Variants in GOLM1 observed in about 807,000 individuals in gnomAD.
The protein encoded by GOLM1 is epididymis luminal protein 46.
GOLM1 carries 31 observed loss-of-function variants against 50.5 expected under a neutral mutation model. The ratio of observed to expected loss-of-function variants is 0.61; its 90% CI spans 0.46 to 0.83. The LOEUF (loss-of-function observed/expected upper bound fraction) is 0.83. Among genes scored for constraint, GOLM1 ranks in the 40% least tolerant of loss-of-function variants. GOLM1 has a pLI of 0.00. For synonymous variants in GOLM1, 178 were observed against 192.8 expected (o/e 0.92, Z 0.64); for missense variants, 491 against 501.3 (o/e 0.98, Z 0.20).
At chr9:86,032,147 T>C (rs1833006698) in intron 9 of GOLM1, among the ~76,000 whole-genome samples, 1 of 152,078 alleles carries the variant, frequency 6.6e-6, no homozygotes, top group Non-Finnish European at 1.5e-5. Flanking sequence ...TGTGGGAAAC[T>C]ACAGTCACAT....
chr9:86,069,135 CTA>C (rs983355505), intron 3 of GOLM1, among the ~76,000 whole-genome samples: 6 of 129,460 alleles, frequency 4.6e-5, no homozygotes, highest in African/African-American at 2.3e-4. Context: ...CATGTAATCT[CTA>C]TTTTTTTTTT....
intron 3 of GOLM1, among the ~76,000 whole-genome samples, chr9:86,055,791 G>C (rs923220732): frequency 1.3e-5 from 2 of 152,220 alleles, no homozygotes; most frequent in African/African-American, 2.4e-5. Context: ...GATAGGAGAG[G>C]GGGGAGGGAA....
chr9:86,090,431 G>A (rs941446527), intron 1 of GOLM1, among the ~76,000 whole-genome samples: 8 of 152,156 alleles, frequency 5.3e-5, no homozygotes, highest in Admixed American at 2.0e-4. Context: ...TTTCAGAGAT[G>A]CCCTGCTCAG....
intron 8 of GOLM1, among the ~76,000 whole-genome samples, chr9:86,033,828 A>C (rs1002582118): frequency 1.1e-4 from 17 of 152,312 alleles, no homozygotes; most frequent in African/African-American, 3.8e-4. Flanking sequence ...TACTTAGAGC[A>C]TGAGAGCACC....
At chr9:86,039,412 A>G (rs1453573316) in intron 6 of GOLM1, among the ~76,000 whole-genome samples, 1 of 152,232 alleles carries the variant, frequency 6.6e-6, no homozygotes, top group Non-Finnish European at 1.5e-5. Flanking sequence ...TAGGTTAAAT[A>G]TAGATTACCA....
At chr9:86,074,767 G>A (rs1834562396) in intron 3 of GOLM1, among the ~76,000 whole-genome samples, 1 of 152,174 alleles carries the variant, frequency 6.6e-6, no homozygotes, top group Non-Finnish European at 1.5e-5. Context: ...CTCAGGAAAC[G>A]TTCACTCCTG....
chr9:86,027,832 C>T lies in GOLM1; in HGVS notation c.1191G>A (p.Arg397=), dbSNP rs558691927. 7 of 1,613,140 alleles carry T rather than the reference C, an allele frequency of 4.3e-6. No individual in the cohort carries two copies. The highest frequency in any genetic ancestry group is 4.0e-5 in the African/African-American group (3 of 74,978). ...CCAGTTCAATTCAGAGTGTATGATT[C>T]CGCTTTTCACGCTGATCAAGTAAAT... ...TINLLDQREK[R]NHTL The change falls in exon 10 of 10, where the codon CGG becomes CGA. Residue 397 remains arginine, a synonymous_variant. Coordinates refer to ENST00000388712, the MANE Select transcript of GOLM1 (RefSeq NM_016548.4).
At chr9:86,095,537 C>T (rs1197197652) in intron 1 of GOLM1, among the ~76,000 whole-genome samples, 5 of 151,998 alleles carry the variant, frequency 3.3e-5, no homozygotes, top group East Asian at 1.9e-4. Flanking sequence ...CATGAGCCAA[C>T]GTGCCTGGCC....
chr9:86,088,579 T>G (rs996117976), intron 1 of GOLM1, among the ~76,000 whole-genome samples: 12 of 148,098 alleles, frequency 8.1e-5, no homozygotes, highest in Admixed American at 1.3e-4. Context: ...TTTGTTTTTT[T>G]TTTTTTTTTG....
At chr9:86,055,666 A>C (rs1219233813) in intron 3 of GOLM1, among the ~76,000 whole-genome samples, 2 of 152,254 alleles carry the variant, frequency 1.3e-5, no homozygotes, top group Non-Finnish European at 2.9e-5. Context: ...ACAACATTAC[A>C]CTAAGTGAAA....
chr9:86,063,795 C>T (rs951122951), intron 3 of GOLM1, among the ~76,000 whole-genome samples: 4 of 152,304 alleles, frequency 2.6e-5, no homozygotes, highest in African/African-American at 4.8e-5. Flanking sequence ...CAATCAAACA[C>T]GCCAACGCTC....
At chr9:86,076,082 T>C (rs1268245378) in intron 3 of GOLM1, among the ~76,000 whole-genome samples, 1 of 152,152 alleles carries the variant, frequency 6.6e-6, no homozygotes, top group African/African-American at 2.4e-5. Flanking sequence ...ATTCTTCCAA[T>C]AAATTAGCCA....
chr9:86,088,572 G>GTT (rs71505776), intron 1 of GOLM1, among the ~76,000 whole-genome samples: 3 of 108,818 alleles, frequency 2.8e-5, no homozygotes, highest in East Asian at 1.3e-3. Flanking sequence ...TCCTGGTTTT[G>GTT]TTTTTTTTTT....
At position 86,097,825 on chromosome 9, in the gene GOLM1, G is replaced by A. The variant is rs565419699; in HGVS notation, c.-22+1586C>T. Among the ~76,000 whole-genome samples, 6 of 152,198 alleles carry A rather than the reference G, an allele frequency of 3.9e-5. No individual in the cohort carries two copies. In the East Asian group the frequency reaches 1.2e-3, roughly 29 times the overall value. ...GGTGGCCATATATATATAAACCCGG[G>A]TAGCCCTGGGCCTGCTATGGTCAGC... On this transcript the variant is annotated intron_variant, in intron 1 of 9. Coordinates refer to ENST00000388712, the MANE Select transcript of GOLM1 (RefSeq NM_016548.4).
At chr9:86,075,576 G>A (rs7857302) in intron 3 of GOLM1, among the ~76,000 whole-genome samples, 54,766 of 151,994 alleles carry the variant, frequency 0.36, 12,826 homozygotes, top group African/African-American at 0.66. Context: ...ACAGCTGAGG[G>A]AACTTTAAAC....
At position 86,039,021 on chromosome 9, in the gene GOLM1, T is replaced by TG. The variant is rs372092096; in HGVS notation, c.597+1717dup. 5.2e-3 allele frequency among the ~76,000 whole-genome samples: 786 copies of TG among 152,090 alleles called. 4 individuals are homozygous for TG. Among genetic ancestry groups the TG allele is most frequent in the African/African-American group, 0.018 (750 of 41,502 alleles). On this transcript the variant is annotated intron_variant, in intron 6 of 9. Transcript: ENST00000388712. ...AAGAAAGTGAAAAACCCCACAGAAT[T>TG]GGGAAAAAAAACTTGCAAATCATAT...
At chr9:86,033,916 G>A (rs976615088) in intron 8 of GOLM1, among the ~76,000 whole-genome samples, 62 of 152,048 alleles carry the variant, frequency 4.1e-4, no homozygotes, top group Non-Finnish European at 8.4e-4. Flanking sequence ...CCTACTCAAA[G>A]GGTTTAACTT....
intron 1 of GOLM1, among the ~76,000 whole-genome samples, chr9:86,081,582 A>G (rs1476478312): frequency 6.6e-6 from 1 of 152,152 alleles, no homozygotes. Context: ...AAAAAATAGG[A>G]AACTACACAC....
intron 1 of GOLM1, among the ~76,000 whole-genome samples, chr9:86,081,416 G>A (rs2118861209): frequency 6.6e-6 from 1 of 151,950 alleles, no homozygotes; most frequent in African/African-American, 2.4e-5. Context: ...GGCTGGTCTG[G>A]AACTCCCAAC....
Sources: allele counts gnomAD v4.1 joint callset (sites outside exome capture counted in the v4.1 genomes callset), GRCh38; gene constraint gnomAD v4.1.1; transcripts MANE v1.5; gene names NCBI Gene and HGNC (gene_info 2026-07-23, HGNC 2026-07-21).